The following CCDC121 variants were observed in gnomAD, a reference collection of about 807,000 sequenced individuals.
CCDC121 encodes coiled-coil domain-containing protein 121.
For synonymous variants in CCDC121, 108 were observed against 120.0 expected (o/e 0.90, Z 0.65); for missense variants, 238 against 304.1 (o/e 0.78, Z 1.62).
In CCDC121 at chr2:27,626,720, G is replaced by A; in HGVS notation, c.*243C>T. ...ATGGCTAGGTTAGGGTCATGTGTTA[G>A]GTTAACTGGAGGTTTGTGGAATAGC... On this transcript the variant is annotated 3_prime_UTR_variant, in exon 2 of 2. Transcript: ENST00000324364. 2.4e-6 allele frequency: 1 copy of A among 417,696 alleles called. No individual in the cohort carries two copies. Among genetic ancestry groups the A allele is most frequent in the Middle Eastern group, 6.5e-4 (1 of 1,550 alleles). The allele number at this position is 417,696 out of a possible 1,614,324, so 25.9% of individuals were successfully genotyped here.
chr2:27,626,870 G>T lies in CCDC121; in HGVS notation c.*93C>A. 1.1e-6 allele frequency: 1 copy of T among 875,084 alleles called. No homozygotes were observed. The highest frequency in any genetic ancestry group is 1.8e-6 in the Non-Finnish European group (1 of 557,756). 54.2% of individuals were successfully genotyped at this position (875,084 alleles called of 1,614,324 possible). Reference sequence around the variant, plus strand: ...ACATCATGATGGAGATTTTACAATAGCAATCTGGAATCCAACAGCCTTTCT... The same window carrying T: ...ACATCATGATGGAGATTTTACAATATCAATCTGGAATCCAACAGCCTTTCT... On this transcript the variant is annotated 3_prime_UTR_variant, in exon 2 of 2. Transcript: ENST00000324364.
rs1324656966 is a variant in CCDC121 at position 27,628,936 on chromosome 2, G to A, written c.-119+14C>T. On this transcript the variant is annotated intron_variant, in intron 1 of 1. Transcript: ENST00000324364. ...ACGCTAAGAAGATGCCCTGGCAACC[G>A]CCGCGCCCCTCACCCGCTCCTTTCT... 22 of 1,516,130 alleles carry A rather than the reference G, an allele frequency of 1.5e-5. No individual in the cohort carries two copies. The highest frequency in any genetic ancestry group is 7.8e-5 in the South Asian group (6 of 77,340). The allele number at this position is 1,516,130 out of a possible 1,614,324, so 93.9% of individuals were successfully genotyped here. A position where few individuals can be genotyped will look rare whatever the true frequency, so the allele number is the denominator to read the frequency against.
intron 1 of CCDC121, 39 bp from the exon 2 acceptor site, chr2:27,627,956 A>G: frequency 1.4e-6 from 2 of 1,395,532 alleles, no homozygotes; most frequent in Middle Eastern, 1.8e-4. Context: ...TCAGTTAATG[A>G]AACTTTAGGA....
chr2:27,626,826 T>G lies in CCDC121; in HGVS notation c.*137A>C. 3.0e-6 allele frequency: 2 copies of G among 668,138 alleles called. No individual in the cohort carries two copies. Among genetic ancestry groups the G allele is most frequent in the Non-Finnish European group, 5.2e-6 (2 of 381,652 alleles). The allele number at this position is 668,138 out of a possible 1,614,324, so 41.4% of individuals were successfully genotyped here. ...CTAGTAGGACTGTTGGATAAAACCA[T>G]CTAATCCTTCACTCCAACACATCAT... On this transcript the variant is annotated 3_prime_UTR_variant, in exon 2 of 2. Transcript: ENST00000324364.
In CCDC121 at chr2:27,627,326, G is replaced by A. The variant is rs770378452; in HGVS notation, c.474C>T (p.Ser158=). ...QEKRLLEKQL[S]EPDRRLLGKR... ...TTCCCAGTAGCCTCCTGTCTGGCTC[G>A]CTCAGTTGTTTCTCCAGTAATCTTT... Residue 158 remains serine, a synonymous_variant, in exon 2 of 2, where the codon AGC becomes AGT. Coordinates refer to ENST00000324364, the MANE Select transcript of CCDC121 (RefSeq NM_024584.5). 2 of 1,613,924 alleles carry A rather than the reference G, an allele frequency of 1.2e-6. No homozygotes were observed. Among genetic ancestry groups the A allele is most frequent in the South Asian group, 1.1e-5 (1 of 91,076 alleles).
Position 27,627,621 on chromosome 2 carries a change from C to G in CCDC121, c.179G>C (p.Ser60Thr). Residue 60 changes from serine to threonine, a missense_variant, in exon 2 of 2, where the codon AGC becomes ACC. Transcript: ENST00000324364. ...AATCTCTCCACTTTTTTGTAAATAG[C>G]TGTTCCATACCTTCTCAGGTTGCTC... is the stretch of plus-strand genomic sequence containing the variant. ...YTEQPEKVWN[S>T]YLQKSGEIER... is the part of the protein sequence containing the mutation. 1.2e-6 allele frequency: 2 copies of G among 1,613,992 alleles called. No homozygotes were observed. The highest frequency in any genetic ancestry group is 3.3e-4 in the Middle Eastern group (2 of 6,062).
chr2:27,628,992 G>C lies in CCDC121; in HGVS notation c.-161C>G, dbSNP rs1375191529. 6.2e-7 allele frequency: 1 copy of C among 1,607,110 alleles called. No homozygotes were observed. Among genetic ancestry groups the C allele is most frequent in the Non-Finnish European group, 8.5e-7 (1 of 1,176,420 alleles). On this transcript the variant is annotated 5_prime_UTR_variant, in exon 1 of 2. Coordinates refer to ENST00000324364, the MANE Select transcript of CCDC121 (RefSeq NM_024584.5). The stretch of plus-strand genomic sequence containing the variant: ...TGTGGTGGTTTTCGTTCGCAGCCCA[G>C]AACATTGCGGAAGTTTCTCTACCCA...
At position 27,629,000 on chromosome 2, in the gene CCDC121, C is replaced by A; in HGVS notation, c.-169G>T. On this transcript the variant is annotated 5_prime_UTR_variant, in exon 1 of 2. Transcript: ENST00000324364. ...TTTTCGTTCGCAGCCCAGAACATTG[C>A]GGAAGTTTCTCTACCCATGCGGTGT... The A allele has an allele frequency of 1.2e-6, 2 of 1,608,648 alleles. No individual in the cohort carries two copies. The highest frequency in any genetic ancestry group is 8.5e-7 in the Non-Finnish European group (1 of 1,177,184).
In CCDC121 at chr2:27,626,951, T is replaced by G. The variant is rs1486800998; in HGVS notation, c.*12A>C. 2 of 1,567,084 alleles carry G rather than the reference T, an allele frequency of 1.3e-6. No individual in the cohort carries two copies. Among genetic ancestry groups the G allele is most frequent in the African/African-American group, 2.7e-5 (2 of 73,530 alleles). On this transcript the variant is annotated 3_prime_UTR_variant, in exon 2 of 2. Transcript: ENST00000324364. ...TGCTCCAGTTCTTATTTAATCAGTG[T>G]TATTTTAGAAGTTACTTTGGATTAA... is the stretch of plus-strand genomic sequence containing the variant.
At chr2:27,628,432 C>T (rs1486760405) in intron 1 of CCDC121, 1 of 1,551,500 alleles carries the variant, frequency 6.4e-7, no homozygotes, top group African/African-American at 1.4e-5. Context: ...GTCACGGCAA[C>T]TGTGTAGTTC....
intron 1 of CCDC121, chr2:27,628,383 T>C: frequency 6.5e-7 from 1 of 1,549,884 alleles, no homozygotes; most frequent in African/African-American, 1.4e-5. Flanking sequence ...TCCCCTCCAG[T>C]ACCTACTTGC....
chr2:27,628,187 C>G (rs555688948), intron 1 of CCDC121: 1 of 635,638 alleles, frequency 1.6e-6, no homozygotes, highest in Middle Eastern at 4.2e-4. Flanking sequence ...GCCCATGACT[C>G]ACACCACTAG....
chr2:27,626,168 A>T lies in CCDC121; in HGVS notation c.*795T>A, dbSNP rs1673275020. On this transcript the variant is annotated 3_prime_UTR_variant, in exon 2 of 2. Coordinates refer to ENST00000324364, the MANE Select transcript of CCDC121 (RefSeq NM_024584.5). ...ATCATTTTACTTGCTATCTTTTAGA[A>T]TGCTGCTAGGGAAATCGATGGCACT... 6.6e-6 allele frequency: 1 copy of T among 152,316 alleles called. No individual in the cohort carries two copies. The highest frequency in any genetic ancestry group is 2.4e-5 in the African/African-American group (1 of 41,454). The allele number at this position is 152,316 out of a possible 1,614,324, so 9.4% of individuals were successfully genotyped here. A position where few individuals can be genotyped will look rare whatever the true frequency, so the allele number is the denominator to read the frequency against.
Position 27,627,584 on chromosome 2 carries a change from T to C in CCDC121, c.216A>G (p.Arg72=), listed in dbSNP as rs768476606. ...LQKSGEIERR[R]QESASRYAEQ... ...CTGCATATCTGGAGGCTGATTCTTG[T>C]CTTCTTCGTTCAATCTCTCCACTTT... Residue 72 remains arginine (R), a synonymous_variant, in exon 2 of 2, where the codon AGA becomes AGG. Coordinates refer to ENST00000324364, the MANE Select transcript of CCDC121 (RefSeq NM_024584.5). The C allele has an allele frequency of 2.5e-6, 4 of 1,614,156 alleles. No homozygotes were observed. The South Asian group carries it at 3.3e-5, about 13-fold the overall frequency.
chr2:27,628,902 C>A (rs1673403387), intron 1 of CCDC121, 48 bp downstream of exon 1: 2 of 1,479,872 alleles, frequency 1.4e-6, no homozygotes, highest in Non-Finnish European at 1.8e-6. Flanking sequence ...GACTCATCAG[C>A]CCTGCCCGAC....
chr2:27,628,983 C>A lies in CCDC121; in HGVS notation c.-152G>T. On this transcript the variant is annotated 5_prime_UTR_variant, in exon 1 of 2. Transcript: ENST00000324364. Reference sequence around the variant, plus strand: ...TTCTGACGCTGTGGTGGTTTTCGTTCGCAGCCCAGAACATTGCGGAAGTTT... The same window carrying A: ...TTCTGACGCTGTGGTGGTTTTCGTTAGCAGCCCAGAACATTGCGGAAGTTT... 6.3e-7 allele frequency: 1 copy of A among 1,588,492 alleles called. No individual in the cohort carries two copies. Among genetic ancestry groups the A allele is most frequent in the Non-Finnish European group, 8.6e-7 (1 of 1,167,022 alleles).
chr2:27,627,853 G>A lies in CCDC121; in HGVS notation c.-54C>T. 1.2e-6 allele frequency: 2 copies of A among 1,613,944 alleles called. No homozygotes were observed. Among genetic ancestry groups the A allele is most frequent in the Non-Finnish European group, 1.7e-6 (2 of 1,179,976 alleles). ...GTCTCTACCTTTGTTAGCTTCTCTG[G>A]CTTGACAAAATTATTTATTAGACTA... On this transcript the variant is annotated 5_prime_UTR_variant, in exon 2 of 2. Coordinates refer to ENST00000324364, the MANE Select transcript of CCDC121 (RefSeq NM_024584.5).
intron 1 of CCDC121, chr2:27,628,603 G>T (rs1378571501): frequency 6.4e-6 from 10 of 1,551,578 alleles, no homozygotes; most frequent in Non-Finnish European, 6.1e-6. Context: ...CCCTGCTCCA[G>T]TCCCGGCTGG....
chr2:27,628,531 C>T, intron 1 of CCDC121: 1 of 1,551,448 alleles, frequency 6.4e-7, no homozygotes. Context: ...GGAAAGCTCC[C>T]GTAGTTTATT....
Sources: gnomAD v4.1 joint callset for allele counts on GRCh38, gnomAD v4.1.1 for gene constraint, MANE v1.5 for transcripts, NCBI Gene and HGNC (gene_info 2026-07-23, HGNC 2026-07-21) for gene names.